Variants in ARHGAP24 observed in about 807,000 individuals in gnomAD.
The protein encoded by ARHGAP24 is rho GTPase-activating protein 24.
Under a neutral mutation model 76.4 loss-of-function variants are expected in ARHGAP24, and 50 were observed. The ratio of observed to expected loss-of-function variants is 0.65; its 90% confidence interval spans 0.52 to 0.83. The LOEUF is 0.83. Among genes scored for constraint, ARHGAP24 ranks in the 40% least tolerant of loss-of-function variants. ARHGAP24 has a pLI of 0.00. For synonymous variants in ARHGAP24, 345 were observed against 323.3 expected, an observed-to-expected ratio of 1.07 and a Z score of -0.72; for missense variants, 930 against 914.2, an observed-to-expected ratio of 1.02 and a Z score of -0.22.
chr4:85,800,068 G>T (rs1314392209), intron 3 of ARHGAP24, among the ~76,000 whole-genome samples: 1 of 152,154 alleles, frequency 6.6e-6, no homozygotes, highest in East Asian at 1.9e-4. Context: ...CAAGTAAAAA[G>T]CTGGTGAAAG....
chr4:85,658,426 A>G (rs948749931), intron 2 of ARHGAP24, among the ~76,000 whole-genome samples: 1 of 152,198 alleles, frequency 6.6e-6, no homozygotes, highest in Non-Finnish European at 1.5e-5. Context: ...TTGCTCTAGT[A>G]AAAAGTGCTA....
intron 2 of ARHGAP24, among the ~76,000 whole-genome samples, chr4:85,673,675 T>C (rs935402457): frequency 1.2e-4 from 18 of 144,906 alleles, no homozygotes; most frequent in African/African-American, 3.0e-4. Context: ...TGCTTAGATC[T>C]CCCCACTGGT....
At chr4:85,525,376 CT>C (rs1724945612) in intron 1 of ARHGAP24, among the ~76,000 whole-genome samples, 1 of 148,264 alleles carries the variant, frequency 6.7e-6, no homozygotes, top group African/African-American at 2.5e-5. Context: ...TTCAAGATTC[CT>C]TTTTGCATTC....
intron 3 of ARHGAP24, among the ~76,000 whole-genome samples, chr4:85,800,121 T>G (rs1288129938): frequency 6.6e-6 from 1 of 152,192 alleles, no homozygotes; most frequent in Non-Finnish European, 1.5e-5. Flanking sequence ...TGTACCAAAA[T>G]TAATTGCTTA....
chr4:85,599,138 C>A (rs1010143009), intron 2 of ARHGAP24, among the ~76,000 whole-genome samples: 4 of 152,158 alleles, frequency 2.6e-5, no homozygotes, highest in African/African-American at 9.7e-5. Context: ...AAATGGTTTG[C>A]TCTGCCTCCA....
chr4:85,543,285 G>T (rs1412895747), intron 1 of ARHGAP24, among the ~76,000 whole-genome samples: 1 of 152,168 alleles, frequency 6.6e-6, no homozygotes, highest in East Asian at 1.9e-4. Flanking sequence ...TGTTTCAGAA[G>T]TATCGGCCTG....
At chr4:85,935,468 A>C (rs2148820274) in intron 4 of ARHGAP24, among the ~76,000 whole-genome samples, 1 of 152,342 alleles carries the variant, frequency 6.6e-6, no homozygotes, top group Non-Finnish European at 1.5e-5. Context: ...TTGGTCTTTG[A>C]AAGTTACAAA....
rs1278646482 is a variant in ARHGAP24 at position 85,995,213 on chromosome 4, C to T, written c.1559C>T (p.Ala520Val). 2 of 1,613,844 alleles carry T rather than the reference C, an allele frequency of 1.2e-6. No individual in the cohort carries two copies. The highest frequency in any genetic ancestry group is 2.7e-5 in the African/African-American group (2 of 74,876). The change falls in exon 9 of 10, where the codon GCT becomes GTT. Residue 520 changes from alanine (A) to valine (V), a missense_variant. By Grantham distance (64) the Ala-to-Val change is moderately conservative. Coordinates refer to ENST00000395184, the MANE Select transcript of ARHGAP24 (RefSeq NM_001025616.3). ...TLRDNKQKEQ[A>V]GELGQHNRLS... ...AGGGATAACAAGCAGAAAGAACAAG[C>T]TGGAGAGTTAGGCCAGCACAACAGA...
chr4:85,744,269 T>C (rs889663236), intron 3 of ARHGAP24, among the ~76,000 whole-genome samples: 4 of 152,222 alleles, frequency 2.6e-5, no homozygotes, highest in Non-Finnish European at 5.9e-5. Context: ...CATATTTGGA[T>C]TAAGCTTCAA....
chr4:85,591,355 T>G (rs1728100304), intron 2 of ARHGAP24, among the ~76,000 whole-genome samples: 1 of 152,310 alleles, frequency 6.6e-6, no homozygotes, highest in Non-Finnish European at 1.5e-5. Context: ...TAGATCTGCC[T>G]TTTTAACAGA....
At chr4:85,509,226 A>G (rs1052946558) in intron 1 of ARHGAP24, among the ~76,000 whole-genome samples, 11 of 149,286 alleles carry the variant, frequency 7.4e-5, no homozygotes, top group Non-Finnish European at 1.6e-4. Flanking sequence ...GGATAGCATT[A>G]GGAGATATAC....
In ARHGAP24 at chr4:85,810,914, A is replaced by G. The variant is rs371974715; in HGVS notation, c.268+88942A>G. ...AAGCAACATGTCCATTAATCAAAAC[A>G]CCCTCCATGTTTACTTGGTAGTTGT... On this transcript the variant is annotated intron_variant, in intron 3 of 9. Transcript: ENST00000395184. Among the ~76,000 whole-genome samples the G allele has an allele frequency of 1.9e-4, 29 of 152,204 alleles. No homozygotes were observed. In the East Asian group the frequency reaches 2.5e-3, roughly 13 times the overall value.
At chr4:85,912,225 A>G (rs544783327) in intron 3 of ARHGAP24, among the ~76,000 whole-genome samples, 2 of 152,208 alleles carry the variant, frequency 1.3e-5, no homozygotes, top group African/African-American at 2.4e-5. Context: ...TCTCCATATT[A>G]GATTTTTGAA....
intron 3 of ARHGAP24, among the ~76,000 whole-genome samples, chr4:85,898,741 T>C (rs7690939): frequency 0.3 from 45,475 of 152,040 alleles, 6,948 homozygotes; most frequent in South Asian, 0.43. Flanking sequence ...AATATGTGCA[T>C]ACATTATTTT....
At chr4:85,550,712 T>C (rs553292832) in intron 1 of ARHGAP24, among the ~76,000 whole-genome samples, 12 of 152,336 alleles carry the variant, frequency 7.9e-5, no homozygotes, top group African/African-American at 2.6e-4. Context: ...ATTTCTGTCA[T>C]TTCTCATGTC....
intron 3 of ARHGAP24, among the ~76,000 whole-genome samples, chr4:85,740,648 A>G (rs553008678): frequency 2.6e-5 from 4 of 152,348 alleles, no homozygotes; most frequent in Middle Eastern, 3.4e-3. Context: ...CTCAATAAAA[A>G]TTGATAAATA....
At chr4:85,492,898 A>G (rs1229469200) in intron 1 of ARHGAP24, among the ~76,000 whole-genome samples, 1 of 152,200 alleles carries the variant, frequency 6.6e-6, no homozygotes, top group Non-Finnish European at 1.5e-5. Flanking sequence ...TTCTAGAGTA[A>G]GAGACAAACC....
At chr4:85,653,348 A>G (rs1722015501) in intron 2 of ARHGAP24, among the ~76,000 whole-genome samples, 1 of 152,224 alleles carries the variant, frequency 6.6e-6, no homozygotes, top group Non-Finnish European at 1.5e-5. Flanking sequence ...AGAAGTCTTC[A>G]TTGTATTATG....
intron 2 of ARHGAP24, among the ~76,000 whole-genome samples, chr4:85,662,628 T>C (rs1722442894): frequency 6.6e-6 from 1 of 151,988 alleles, no homozygotes; most frequent in African/African-American, 2.4e-5. Flanking sequence ...CTAGGTTTTC[T>C]TCTAGGGTTT....
Sources: gnomAD v4.1 joint callset for allele counts (sites outside exome capture counted in the v4.1 genomes callset) on GRCh38, gnomAD v4.1.1 for gene constraint, MANE v1.5 for transcripts, NCBI Gene and HGNC (gene_info 2026-07-23, HGNC 2026-07-21) for gene names.